MYO1D: variants seen among roughly 807,000 people sequenced by gnomAD.
The protein encoded by MYO1D is myosin ID.
In MYO1D, 83 loss-of-function variants were observed where a neutral mutation model predicts 122.0. The ratio of observed to expected loss-of-function variants is 0.68; its 90% confidence interval spans 0.57 to 0.82. The LOEUF (loss-of-function observed/expected upper bound fraction) is 0.82, where lower values mean the gene tolerates loss of function less well. Ranked by LOEUF, MYO1D falls within the 40% of genes least tolerant of loss-of-function variation. The probability of loss-of-function intolerance (pLI) is 0.00; values close to 1 mark genes in which losing one functional copy is unlikely to be tolerated. For synonymous variants in MYO1D, 464 were observed against 446.9 expected (o/e 1.04, Z -0.48); for missense variants, 1,157 against 1,269.5 (o/e 0.91, Z 1.35).
chr17:32,618,997 T>G (rs1396128938), intron 20 of MYO1D, among the ~76,000 whole-genome samples: 1 of 152,170 alleles, frequency 6.6e-6, no homozygotes, highest in Non-Finnish European at 1.5e-5. Flanking sequence ...CTTGTCTTCT[T>G]TTTGTTAAAA....
In MYO1D at chr17:32,861,348, G is replaced by C. The variant is rs143368385; in HGVS notation, c.95+15430C>G. Among the ~76,000 whole-genome samples, 163 of 152,212 alleles carry C rather than the reference G, an allele frequency of 1.1e-3. 1 individual carries two copies. The highest frequency in any genetic ancestry group is 2.6e-3 in the Admixed American group (40 of 15,294). On this transcript the variant is annotated intron_variant, in intron 1 of 21. Coordinates refer to ENST00000318217, the MANE Select transcript of MYO1D (RefSeq NM_015194.3). ...CCCAAAGTGCTAGGATTACAGGTGT[G>C]AGCCACCGCACCTGGCCTGTATTTA...
At chr17:32,528,590 A>G (rs113968608) in intron 21 of MYO1D, among the ~76,000 whole-genome samples, 1 of 152,186 alleles carries the variant, frequency 6.6e-6, no homozygotes, top group Non-Finnish European at 1.5e-5. Context: ...CGTGGCAAAA[A>G]GGCCTGCAGA....
At chr17:32,677,568 T>C (rs893388901) in intron 16 of MYO1D, among the ~76,000 whole-genome samples, 20 of 142,994 alleles carry the variant, frequency 1.4e-4, no homozygotes, top group South Asian at 1.1e-3. Context: ...TCAGGGGATA[T>C]ATAGATAGAT....
At chr17:32,600,860 G>T (rs1390865551) in intron 21 of MYO1D, among the ~76,000 whole-genome samples, 1 of 151,922 alleles carries the variant, frequency 6.6e-6, no homozygotes, top group African/African-American at 2.4e-5. Flanking sequence ...TCACAACTGG[G>T]CTGTTTAATT....
rs775867990 is a variant in MYO1D, at chr17:32,721,208, A to C, written c.1747-19T>G. The C allele has an allele frequency of 1.2e-6, 2 of 1,609,366 alleles. No individual in the cohort carries two copies. The highest frequency in any genetic ancestry group is 3.4e-5 in the Admixed American group (2 of 59,656). On this transcript the variant is annotated intron_variant, in intron 14 of 21. Coordinates refer to ENST00000318217, the MANE Select transcript of MYO1D (RefSeq NM_015194.3). Reference sequence around the variant, plus strand: ...ATGGTTCCTAAAGAAATAAATCAGCAAATGGTAAGTTTCACTGGAGAAAAT... The same window carrying C: ...ATGGTTCCTAAAGAAATAAATCAGCCAATGGTAAGTTTCACTGGAGAAAAT...
intron 13 of MYO1D, among the ~76,000 whole-genome samples, chr17:32,741,659 C>T (rs1396502282): frequency 6.6e-6 from 1 of 152,268 alleles, no homozygotes; most frequent in East Asian, 1.9e-4. Flanking sequence ...TTCCCAAGCA[C>T]GTTTTCCAAC....
At chr17:32,755,361 G>T in intron 11 of MYO1D, 131 bp downstream of exon 11, 1 of 938,760 alleles carries the variant, frequency 1.1e-6, no homozygotes, top group Non-Finnish European at 1.6e-6. Context: ...ATCATTTAAT[G>T]AATGTTTATG....
chr17:32,828,242 C>T (rs1452042110), intron 1 of MYO1D, among the ~76,000 whole-genome samples: 3 of 152,096 alleles, frequency 2.0e-5, no homozygotes, highest in East Asian at 1.9e-4. Context: ...GGAGGCCGGG[C>T]GCAGTGGCTC....
At chr17:32,750,483 C>A (rs978257915) in intron 11 of MYO1D, among the ~76,000 whole-genome samples, 11 of 151,996 alleles carry the variant, frequency 7.2e-5, no homozygotes, top group Non-Finnish European at 1.6e-4. Context: ...GGCGTGGTGG[C>A]AGACGCCTGT....
intron 16 of MYO1D, among the ~76,000 whole-genome samples, chr17:32,684,828 A>C (rs1348284483): frequency 2.6e-5 from 4 of 152,232 alleles, no homozygotes; most frequent in Admixed American, 6.5e-5. Context: ...GAACAACTTG[A>C]TGCATGAAAA....
intron 21 of MYO1D, 108 bp from the exon 22 acceptor site, chr17:32,495,023 C>G (rs1370603157): frequency 6.0e-6 from 8 of 1,336,686 alleles, no homozygotes; most frequent in Non-Finnish European, 3.0e-6. Flanking sequence ...CTGCTTCCTC[C>G]ACAAGTGCCA....
At chr17:32,683,746 G>A (rs1286646162) in intron 16 of MYO1D, among the ~76,000 whole-genome samples, 8 of 152,170 alleles carry the variant, frequency 5.3e-5, no homozygotes, top group Non-Finnish European at 8.8e-5. Context: ...TACAGTGGCA[G>A]GCAGGCCTCC....
rs148873269 is a variant in MYO1D at position 32,744,806 on chromosome 17, A to G, written c.1613+405T>C. 3.7e-3 allele frequency among the ~76,000 whole-genome samples: 564 copies of G among 152,304 alleles called. 3 individuals are homozygous for G. Among genetic ancestry groups the G allele is most frequent in the African/African-American group, 0.013 (520 of 41,562 alleles). On this transcript the variant is annotated intron_variant, in intron 13 of 21. Transcript: ENST00000318217. ...CTCACTGACACTAGATGCCACTCTG[A>G]TATCAGAGCGGTCTCTTATTTGGGG... is the stretch of plus-strand genomic sequence containing the variant.
intron 19 of MYO1D, among the ~76,000 whole-genome samples, chr17:32,652,601 T>C (rs996221216): frequency 2.0e-5 from 3 of 152,202 alleles, no homozygotes; most frequent in Non-Finnish European, 2.9e-5. Flanking sequence ...AATTCTTCTG[T>C]GTTCTTCTAA....
chr17:32,866,286 GA>G (rs369228811), intron 1 of MYO1D, among the ~76,000 whole-genome samples: 27 of 151,306 alleles, frequency 1.8e-4, no homozygotes, highest in South Asian at 2.1e-4. Flanking sequence ...AATAAAAGAA[GA>G]AAAAAAAATT....
intron 21 of MYO1D, among the ~76,000 whole-genome samples, chr17:32,537,603 C>T (rs984945519): frequency 2.0e-5 from 3 of 152,066 alleles, no homozygotes; most frequent in East Asian, 1.9e-4. Context: ...TATAATTAGC[C>T]TAAGACTTGA....
chr17:32,729,649 C>T (rs911186545), intron 14 of MYO1D, among the ~76,000 whole-genome samples: 1 of 152,184 alleles, frequency 6.6e-6, no homozygotes, highest in Non-Finnish European at 1.5e-5. Context: ...GCCTACACCT[C>T]ATGGTTGTTT....
At chr17:32,874,250 T>TTTC (rs143547768) in intron 1 of MYO1D, among the ~76,000 whole-genome samples, 14,159 of 151,912 alleles carry the variant, frequency 0.093, 1,282 homozygotes, top group African/African-American at 0.23. Context: ...TTTTCCTTTC[T>TTTC]TTTTTTCTTT....
chr17:32,687,018 GAACA>G (rs2089022608), intron 16 of MYO1D, among the ~76,000 whole-genome samples: 1 of 145,236 alleles, frequency 6.9e-6, no homozygotes, highest in African/African-American at 2.6e-5. Flanking sequence ...AAAAAACAAA[GAACA>G]AAAACTAAAT....
Sources: gnomAD v4.1 joint callset for allele counts (sites outside exome capture counted in the v4.1 genomes callset) on GRCh38, gnomAD v4.1.1 for gene constraint, MANE v1.5 for transcripts, NCBI Gene and HGNC (gene_info 2026-07-23, HGNC 2026-07-21) for gene names.